The following PKHD1L1 variants were observed in gnomAD, a reference collection of about 807,000 sequenced individuals.
PKHD1L1 encodes the protein PKHD1 like 1, also known as fibrocystin-L.
A neutral mutation model predicts 462.9 loss-of-function variants in PKHD1L1; 434 were observed. That is an observed-to-expected ratio of 0.94 (90% CI 0.87 to 1.02). The LOEUF is 1.02. Among genes scored for constraint, PKHD1L1 ranks in the 50% least tolerant of loss-of-function variants. PKHD1L1 has a pLI of 0.00. For missense variants in PKHD1L1, 5,202 were observed against 5,096.1 expected (o/e 1.02, Z -0.63); for synonymous variants, 1,781 against 1,750.0 (o/e 1.02, Z -0.44).
chr8:109,416,852 G>T (rs922763136), intron 21 of PKHD1L1, among the ~76,000 whole-genome samples: 2 of 152,154 alleles, frequency 1.3e-5, no homozygotes, highest in Non-Finnish European at 2.9e-5. Context: ...TTCTCAAAGG[G>T]ACATCTGAGG....
At position 109,458,191 on chromosome 8, in the gene PKHD1L1, C is replaced by A. The variant is rs183568828; in HGVS notation, c.7005-1404C>A. Among the ~76,000 whole-genome samples the A allele has an allele frequency of 3.1e-3, 474 of 152,194 alleles. 2 individuals carry two copies. Among genetic ancestry groups the A allele is most frequent in the Non-Finnish European group, 4.4e-3 (297 of 68,010 alleles). ...ACCTATAGTCTAGTTTTCTTCTTCACAAATCTTTTTCAGTGACCTTCTAAT... is the reference window on the plus strand; with the variant it reads ...ACCTATAGTCTAGTTTTCTTCTTCAAAAATCTTTTTCAGTGACCTTCTAAT... On this transcript the variant is annotated intron_variant, in intron 46 of 77. Transcript: ENST00000378402.
chr8:109,392,587 G>C (rs1361425073), intron 9 of PKHD1L1, among the ~76,000 whole-genome samples: 1 of 151,234 alleles, frequency 6.6e-6, no homozygotes, highest in East Asian at 1.9e-4. Context: ...GTATTCTTAT[G>C]AATTTAAGAT....
chr8:109,412,532 C>T, intron 20 of PKHD1L1, 118 bp downstream of exon 20: 1 of 1,088,896 alleles, frequency 9.2e-7, no homozygotes, highest in South Asian at 1.8e-5. Context: ...CATATTGTAA[C>T]AGGCACCGAA....
chr8:109,437,480 C>CTG (rs1815491170), intron 30 of PKHD1L1, among the ~76,000 whole-genome samples: 2 of 147,054 alleles, frequency 1.4e-5, no homozygotes, highest in Non-Finnish European at 3.0e-5. Context: ...TCTCCTAATG[C>CTG]TATCCCTCCC....
At position 109,394,451 on chromosome 8, in the gene PKHD1L1, T is replaced by A; in HGVS notation, c.777T>A (p.Ser259=). Residue 259 remains serine (S), a synonymous_variant, in exon 10 of 78, where the codon TCT becomes TCA. Coordinates refer to ENST00000378402, the MANE Select transcript of PKHD1L1 (RefSeq NM_177531.6). ...FPQKMAYFVS[S]LNKIAMFQTY... ...AGAAAATGGCATATTTTGTTTCTTC[T>A]CTCAATAAAATTGCAATGTTTCAAA... 1.3e-6 allele frequency: 2 copies of A among 1,531,124 alleles called. No individual in the cohort carries two copies. The highest frequency in any genetic ancestry group is 1.8e-6 in the Non-Finnish European group (2 of 1,134,844). 94.8% of individuals were successfully genotyped at this position (1,531,124 alleles called of 1,614,324 possible).
rs762536589 is a variant in PKHD1L1, at chr8:109,504,393, C to A, written c.10895C>A (p.Pro3632His). The change falls in exon 68 of 78, where the codon CCT becomes CAT. Residue 3632 changes from proline to histidine, a missense_variant. By Grantham distance (77) the Pro-to-His change is moderately conservative. Coordinates refer to ENST00000378402, the MANE Select transcript of PKHD1L1 (RefSeq NM_177531.6). ...GETNVIFITN[P>H]LNEDLQHPIH... is the part of the protein sequence containing the mutation. The stretch of plus-strand genomic sequence containing the variant: ...ACTAATGTTATATTCATTACTAACC[C>A]TTTAAATGAGGATTTACAGCATCCA... 1.3e-6 allele frequency: 2 copies of A among 1,552,854 alleles called. No individual in the cohort carries two copies. The highest frequency in any genetic ancestry group is 2.3e-5 in the East Asian group (1 of 43,496).
rs998126963 is a variant in PKHD1L1, at chr8:109,404,989, A to G, written c.1534-6A>G. Reference sequence around the variant, plus strand: ...ATATTAAAAATGTTTCTTAATTGGAAAATAGGTTATAACATTGGAAAACTG... The same window carrying G: ...ATATTAAAAATGTTTCTTAATTGGAGAATAGGTTATAACATTGGAAAACTG... On this transcript the variant is annotated splice_region_variant and splice_polypyrimidine_tract_variant and intron_variant, in intron 15 of 77. Transcript: ENST00000378402. 13 of 1,460,134 alleles carry G rather than the reference A, an allele frequency of 8.9e-6. No homozygotes were observed. Among genetic ancestry groups the G allele is most frequent in the Non-Finnish European group, 1.1e-5 (12 of 1,096,530 alleles). 90.4% of individuals were successfully genotyped at this position (1,460,134 alleles called of 1,614,324 possible).
intron 71 of PKHD1L1, among the ~76,000 whole-genome samples, chr8:109,513,547 G>C (rs528603736): frequency 6.6e-6 from 1 of 152,158 alleles, no homozygotes; most frequent in South Asian, 2.1e-4. Context: ...AGTTTAACCA[G>C]TAGTGTCATC....
intron 21 of PKHD1L1, among the ~76,000 whole-genome samples, chr8:109,413,833 T>G (rs1487529438): frequency 6.6e-6 from 1 of 152,098 alleles, no homozygotes; most frequent in African/African-American, 2.4e-5. Context: ...AGAATTTAAA[T>G]TATGTATTAC....
At chr8:109,375,062 G>C (rs779190076) in intron 2 of PKHD1L1, among the ~76,000 whole-genome samples, 8 of 152,086 alleles carry the variant, frequency 5.3e-5, no homozygotes, top group Non-Finnish European at 1.0e-4. Flanking sequence ...TGCTAGATTG[G>C]GGAAGTTCTC....
intron 59 of PKHD1L1, among the ~76,000 whole-genome samples, chr8:109,487,100 T>C (rs184510179): frequency 1.3e-4 from 20 of 152,088 alleles, no homozygotes; most frequent in Admixed American, 1.2e-3. Context: ...TTATAATAAG[T>C]ACCACAGATC....
intron 20 of PKHD1L1, 112 bp from the exon 21 acceptor site, chr8:109,413,309 T>G: frequency 1.3e-6 from 1 of 759,334 alleles, no homozygotes; most frequent in Non-Finnish European, 1.9e-6. Flanking sequence ...TCTGGTACGT[T>G]TTATGTAGAA....
rs1431619395 is a variant in PKHD1L1, at chr8:109,439,025, C to T, written c.3889C>T (p.Pro1297Ser). The T allele has an allele frequency of 1.2e-6, 2 of 1,613,440 alleles. No homozygotes were observed. The highest frequency in any genetic ancestry group is 1.7e-6 in the Non-Finnish European group (2 of 1,179,640). ...WNFTDIRCLL[P>S]KLSPGKHDIY... Reference sequence around the variant, plus strand: ...CTTCACAGATATTAGATGCCTTTTGCCCAAGTTGTCTCCTGGAAAACATGA... The same window carrying T: ...CTTCACAGATATTAGATGCCTTTTGTCCAAGTTGTCTCCTGGAAAACATGA... The change falls in exon 32 of 78, where the codon CCC becomes TCC. Residue 1297 changes from proline to serine, a missense_variant. Coordinates refer to ENST00000378402, the MANE Select transcript of PKHD1L1 (RefSeq NM_177531.6).
intron 27 of PKHD1L1, among the ~76,000 whole-genome samples, chr8:109,430,937 T>G (rs149398460): frequency 2.8e-4 from 42 of 152,144 alleles, no homozygotes; most frequent in African/African-American, 1.0e-3. Flanking sequence ...ATCTTTATGT[T>G]TATATCCACT....
chr8:109,492,757 CTA>C (rs1563606015), intron 62 of PKHD1L1, among the ~76,000 whole-genome samples: 1 of 151,808 alleles, frequency 6.6e-6, no homozygotes, highest in Non-Finnish European at 1.5e-5. Context: ...TCATGTGACT[CTA>C]TTTTTATCAA....
At chr8:109,479,102 T>G (rs1818141495) in intron 53 of PKHD1L1, among the ~76,000 whole-genome samples, 1 of 152,174 alleles carries the variant, frequency 6.6e-6, no homozygotes. Context: ...TATTTTCCAG[T>G]GGGAAAATAT....
chr8:109,498,534 G>T lies in PKHD1L1; in HGVS notation c.10672G>T (p.Glu3558Ter), dbSNP rs754846353. The T allele has an allele frequency of 1.9e-6, 3 of 1,613,576 alleles. No homozygotes were observed. In the African/African-American group the frequency reaches 4.0e-5, roughly 22 times the overall value. Residue 3558 changes from glutamate to a stop codon, truncating the protein, a stop_gained, in exon 66 of 78, where the codon GAA (glutamate) becomes TAA (stop). Coordinates refer to ENST00000378402, the MANE Select transcript of PKHD1L1 (RefSeq NM_177531.6). LOFTEE classifies it high-confidence loss of function. The stretch of plus-strand genomic sequence containing the variant: ...CCTAACTAATGATGATCCTAATATT[G>T]AACTCACTGCTGCTCATCGGAGTCC... ...DVLTNDDPNI[E>*]LTAAHRSPRS...
intron 19 of PKHD1L1, among the ~76,000 whole-genome samples, chr8:109,410,240 T>C (rs1423570250): frequency 6.6e-6 from 1 of 152,190 alleles, no homozygotes; most frequent in Admixed American, 6.5e-5. Flanking sequence ...AAGGTAAGAT[T>C]TGCAGTGTTT....
At chr8:109,465,308 T>C (rs73704018) in intron 49 of PKHD1L1, 63 bp downstream of exon 49, 30 of 1,522,446 alleles carry the variant, frequency 2.0e-5, no homozygotes, top group Non-Finnish European at 2.6e-5. Context: ...TAGCACAGAA[T>C]TGAATTGTTA....
Sources: allele counts gnomAD v4.1 joint callset (sites outside exome capture counted in the v4.1 genomes callset), GRCh38; gene constraint gnomAD v4.1.1; transcripts MANE v1.5; gene names NCBI Gene and HGNC (gene_info 2026-07-23, HGNC 2026-07-21).